The following GSAP variants were observed in gnomAD, a reference collection of about 807,000 sequenced individuals.
The protein encoded by GSAP is gamma-secretase-activating protein.
In GSAP, 118 loss-of-function variants were observed where a neutral mutation model predicts 131.7. That is an observed-to-expected ratio of 0.90 (90% confidence interval 0.77 to 1.04). The LOEUF (loss-of-function observed/expected upper bound fraction) is 1.04, where lower values mean the gene tolerates loss of function less well. Ranked by LOEUF, GSAP falls within the 50% of genes least tolerant of loss-of-function variation. GSAP has a pLI of 0.00. For synonymous variants in GSAP, 381 were observed against 363.4 expected (o/e 1.05, Z -0.55); for missense variants, 1,019 against 1,013.2 (o/e 1.01, Z -0.08).
chr7:77,395,253 A>C (rs980388606), intron 5 of GSAP, among the ~76,000 whole-genome samples: 8 of 152,194 alleles, frequency 5.3e-5, no homozygotes, highest in Non-Finnish European at 8.8e-5. Flanking sequence ...AGGCTCAAGA[A>C]GAACTGGGAG....
chr7:77,362,209 G>A (rs190104603), intron 13 of GSAP, among the ~76,000 whole-genome samples: 7 of 152,262 alleles, frequency 4.6e-5, no homozygotes, highest in South Asian at 2.1e-4. Context: ...ACTCTCAGCC[G>A]GGCATGGTGG....
At chr7:77,349,446 T>G in intron 18 of GSAP, 42 bp from the exon 19 acceptor site, 2 of 1,534,250 alleles carry the variant, frequency 1.3e-6, no homozygotes, top group Non-Finnish European at 1.8e-6. Context: ...GCTCAGTGTA[T>G]GAACTACCAC....
chr7:77,374,269 G>T, intron 11 of GSAP, 114 bp from the exon 12 acceptor site: 1 of 571,266 alleles, frequency 1.8e-6, no homozygotes, highest in Non-Finnish European at 3.1e-6. Flanking sequence ...ACATTCCTGA[G>T]AAATTTAAGT....
intron 1 of GSAP, among the ~76,000 whole-genome samples, chr7:77,413,991 C>T (rs1360566188): frequency 6.6e-6 from 1 of 152,146 alleles, no homozygotes; most frequent in African/African-American, 2.4e-5. Flanking sequence ...GAACCAGGAG[C>T]AAATGCAGTA....
At chr7:77,377,218 A>T (rs1044809271) in intron 9 of GSAP, 68 bp downstream of exon 9, 38 of 1,228,056 alleles carry the variant, frequency 3.1e-5, no homozygotes, top group Non-Finnish European at 4.2e-6. Flanking sequence ...CCCTGTCTCT[A>T]AAAAAATTAA....
rs1288135091 is a variant in GSAP at position 77,353,036 on chromosome 7, T to C, written c.1409-10A>G. 6 of 1,490,250 alleles carry C rather than the reference T, an allele frequency of 4.0e-6. No homozygotes were observed. Among genetic ancestry groups the C allele is most frequent in the African/African-American group, 1.4e-5 (1 of 72,286 alleles). The allele number at this position is 1,490,250 out of a possible 1,614,324, so 92.3% of individuals were successfully genotyped here. A position where few individuals can be genotyped will look rare whatever the true frequency, so the allele number is the denominator to read the frequency against. ...CTCCAGTATGAAGAAGCTGAGTAGA[T>C]TTTTTTTGAAACAGGGGGAAAAAAG... is the stretch of plus-strand genomic sequence containing the variant. On this transcript the variant is annotated splice_polypyrimidine_tract_variant and intron_variant, in intron 17 of 30. Transcript: ENST00000257626.
rs187240375 is a variant in GSAP at position 77,345,871 on chromosome 7, G to A, written c.1545+3480C>T. On this transcript the variant is annotated intron_variant, in intron 19 of 30. Coordinates refer to ENST00000257626, the MANE Select transcript of GSAP (RefSeq NM_017439.4). ...TGTTTGGTGGTCTCTTCACCTGGAC[G>A]CACGTGACATCCCTTTCATTGAATA... 2.8e-3 allele frequency among the ~76,000 whole-genome samples: 430 copies of A among 152,272 alleles called. 1 individual carries two copies. The highest frequency in any genetic ancestry group is 4.2e-3 in the Admixed American group (65 of 15,298).
chr7:77,323,528 G>T lies in GSAP; in HGVS notation c.1923+119C>A. On this transcript the variant is annotated intron_variant, in intron 24 of 30. Transcript: ENST00000257626. ...AGCACCAAATACTGATTTAAGAACGGGAGATCTCCAAAAATCTAATTTGAA... is the reference window on the plus strand; with the variant it reads ...AGCACCAAATACTGATTTAAGAACGTGAGATCTCCAAAAATCTAATTTGAA... 5.5e-6 allele frequency: 3 copies of T among 546,920 alleles called. No individual in the cohort carries two copies. The South Asian group carries it at 7.9e-5, about 14-fold the overall frequency. 33.9% of individuals were successfully genotyped at this position (546,920 alleles called of 1,614,324 possible).
In GSAP at chr7:77,323,754, A is replaced by T. The variant is rs1385435344; in HGVS notation, c.1828-12T>A. On this transcript the variant is annotated splice_polypyrimidine_tract_variant and intron_variant, in intron 23 of 30. Coordinates refer to ENST00000257626, the MANE Select transcript of GSAP (RefSeq NM_017439.4). ...AGCTCAGACACCATCTGAAAACAGG[A>T]TATGCATTAAATAAGTCACAGCCTA... 1 of 1,365,424 alleles carries T rather than the reference A, an allele frequency of 7.3e-7. No homozygotes were observed. The highest frequency in any genetic ancestry group is 1.0e-6 in the Non-Finnish European group (1 of 960,798). The allele number at this position is 1,365,424 out of a possible 1,614,324, so 84.6% of individuals were successfully genotyped here.
At chr7:77,353,470 G>T in intron 17 of GSAP, 102 bp downstream of exon 17, 2 of 649,630 alleles carry the variant, frequency 3.1e-6, no homozygotes, top group Non-Finnish European at 5.5e-6. Flanking sequence ...GTGCTCCAAA[G>T]TAGCATTTGG....
intron 1 of GSAP, among the ~76,000 whole-genome samples, chr7:77,410,586 G>C (rs1358789445): frequency 6.6e-6 from 1 of 152,132 alleles, no homozygotes; most frequent in African/African-American, 2.4e-5. Flanking sequence ...TAAAAGAAAC[G>C]AGAGTACCTA....
intron 5 of GSAP, among the ~76,000 whole-genome samples, chr7:77,387,715 C>A (rs1798796633): frequency 6.6e-6 from 1 of 152,134 alleles, no homozygotes; most frequent in East Asian, 1.9e-4. Flanking sequence ...CCTCAGGAGC[C>A]CTGAAGAAGC....
At chr7:77,408,366 T>G (rs561187925) in intron 1 of GSAP, among the ~76,000 whole-genome samples, 4 of 152,188 alleles carry the variant, frequency 2.6e-5, no homozygotes, top group Non-Finnish European at 5.9e-5. Context: ...TTATCACTAA[T>G]TGGGCAGAAG....
At chr7:77,341,457 G>T (rs560092895) in intron 19 of GSAP, among the ~76,000 whole-genome samples, 15 of 152,040 alleles carry the variant, frequency 9.9e-5, no homozygotes, top group Non-Finnish European at 1.9e-4. Flanking sequence ...TTCATTCCAC[G>T]ACTAGCCCTT....
intron 10 of GSAP, among the ~76,000 whole-genome samples, chr7:77,376,125 G>A (rs1211748766): frequency 6.6e-6 from 1 of 152,096 alleles, no homozygotes; most frequent in Middle Eastern, 3.4e-3. Flanking sequence ...AAGTCCTTTT[G>A]GGTCAAATAA....
intron 1 of GSAP, among the ~76,000 whole-genome samples, chr7:77,407,471 G>T (rs1052569994): frequency 1.3e-5 from 2 of 152,074 alleles, no homozygotes; most frequent in African/African-American, 4.8e-5. Context: ...ATATTGGGTT[G>T]ATATTTATCA....
At chr7:77,347,049 A>G (rs1437997638) in intron 19 of GSAP, among the ~76,000 whole-genome samples, 2 of 151,584 alleles carry the variant, frequency 1.3e-5, no homozygotes, top group Non-Finnish European at 2.9e-5. Flanking sequence ...AAAATCCCAG[A>G]AGACTGGGTT....
intron 19 of GSAP, among the ~76,000 whole-genome samples, chr7:77,335,803 G>A (rs918671812): frequency 6.6e-6 from 1 of 152,198 alleles, no homozygotes; most frequent in Non-Finnish European, 1.5e-5. Context: ...TTTCCTCTGT[G>A]TGCCAGGACT....
intron 10 of GSAP, 63 bp from the exon 11 acceptor site, chr7:77,375,164 C>G: frequency 1.1e-6 from 1 of 902,916 alleles, no homozygotes; most frequent in Non-Finnish European, 1.8e-6. Flanking sequence ...TTCTGAAAAC[C>G]AGAGCAAGCC....
Sources: gnomAD v4.1 joint callset for allele counts (sites outside exome capture counted in the v4.1 genomes callset) on GRCh38, gnomAD v4.1.1 for gene constraint, MANE v1.5 for transcripts, NCBI Gene and HGNC (gene_info 2026-07-23, HGNC 2026-07-21) for gene names.